The following RGS6 variants were observed in gnomAD, a reference collection of about 807,000 sequenced individuals.
The protein encoded by RGS6 is regulator of G-protein signaling 6.
In RGS6, 30 loss-of-function variants were observed where a neutral mutation model predicts 78.5. The ratio of observed to expected loss-of-function variants is 0.38; its 90% confidence interval spans 0.29 to 0.52. RGS6 has a LOEUF of 0.52. Among genes scored for constraint, RGS6 ranks in the 20% least tolerant of loss-of-function variants. The probability of loss-of-function intolerance (pLI) is 0.85; values close to 1 mark genes in which losing one functional copy is unlikely to be tolerated. For synonymous variants in RGS6, 206 were observed against 206.0 expected (o/e 1.00, Z 0.00); for missense variants, 495 against 609.7 (o/e 0.81, Z 1.98).
chr14:72,299,553 T>C (rs1293466475), intron 2 of RGS6, among the ~76,000 whole-genome samples: 1 of 152,256 alleles, frequency 6.6e-6, no homozygotes, highest in East Asian at 1.9e-4. Flanking sequence ...GAGGAACTGA[T>C]GGACTGTTTT....
At chr14:72,083,255 G>A (rs911942881) in intron 2 of RGS6, among the ~76,000 whole-genome samples, 2 of 152,064 alleles carry the variant, frequency 1.3e-5, no homozygotes, top group African/African-American at 4.8e-5. Context: ...TAGATCAACG[G>A]TTCCCAACCA....
chr14:72,574,385 A>G, the RGS6 span, among the ~76,000 whole-genome samples: 1 of 152,218 alleles, frequency 6.6e-6, no homozygotes, highest in South Asian at 2.1e-4. Context: ...AATAGGAGTG[A>G]CCACCCCAGC....
chr14:72,557,139 G>A (rs1298402165), intron 17 of RGS6, among the ~76,000 whole-genome samples: 1 of 152,214 alleles, frequency 6.6e-6, no homozygotes, highest in African/African-American at 2.4e-5. Flanking sequence ...GAACCATAAC[G>A]GGTTCCATAG....
At chr14:72,543,658 C>T (rs773257085) in intron 17 of RGS6, among the ~76,000 whole-genome samples, 1 of 152,154 alleles carries the variant, frequency 6.6e-6, no homozygotes, top group Non-Finnish European at 1.5e-5. Context: ...TGATGTCTAG[C>T]CTGCCACTCT....
chr14:71,968,194 A>G (rs1339290998), intron 2 of RGS6, among the ~76,000 whole-genome samples: 1 of 152,108 alleles, frequency 6.6e-6, no homozygotes, highest in Non-Finnish European at 1.5e-5. Flanking sequence ...TGATATTTGA[A>G]CCTAGCTATA....
At chr14:72,318,113 G>A (rs1214908631) in intron 2 of RGS6, among the ~76,000 whole-genome samples, 2 of 152,074 alleles carry the variant, frequency 1.3e-5, no homozygotes, top group African/African-American at 2.4e-5. Context: ...ATTCAGCAGC[G>A]TGGCTCCCTC....
At chr14:71,951,325 A>G (rs999110912) in intron 1 of RGS6, among the ~76,000 whole-genome samples, 4 of 152,154 alleles carry the variant, frequency 2.6e-5, no homozygotes, top group Non-Finnish European at 4.4e-5. Flanking sequence ...CAAACACTGC[A>G]TGTTCTCACT....
chr14:72,544,074 G>GTCTA (rs1341223640), intron 17 of RGS6, among the ~76,000 whole-genome samples: 1 of 152,206 alleles, frequency 6.6e-6, no homozygotes, highest in African/African-American at 2.4e-5. Context: ...CTTCCACAGA[G>GTCTA]TCTACCACAG....
chr14:72,629,275 G>A, the RGS6 span, among the ~76,000 whole-genome samples: 1 of 152,170 alleles, frequency 6.6e-6, no homozygotes, highest in Non-Finnish European at 1.5e-5. Context: ...TGTCGAAGCT[G>A]GTGATGGTTT....
chr14:72,474,547 C>T, intron 9 of RGS6, 78 bp from the exon 10 acceptor site: 1 of 1,307,380 alleles, frequency 7.6e-7, no homozygotes, highest in Non-Finnish European at 1.1e-6. Context: ...AAAGATTGGT[C>T]CTGATGGTGT....
intron 2 of RGS6, among the ~76,000 whole-genome samples, chr14:71,999,193 A>G (rs1335045456): frequency 6.6e-6 from 1 of 152,218 alleles, no homozygotes; most frequent in Non-Finnish European, 1.5e-5. Flanking sequence ...TTTTTTACAG[A>G]TGAGGGAATT....
chr14:71,975,486 G>C (rs1272999290), intron 2 of RGS6, among the ~76,000 whole-genome samples: 2 of 150,912 alleles, frequency 1.3e-5, no homozygotes, highest in Non-Finnish European at 3.0e-5. Context: ...TTTGATGGAG[G>C]CTTGCTCTGT....
chr14:72,249,506 G>A (rs1052340967), intron 2 of RGS6, among the ~76,000 whole-genome samples: 6 of 152,176 alleles, frequency 3.9e-5, no homozygotes, highest in Non-Finnish European at 7.4e-5. Flanking sequence ...TGCCAAAGAG[G>A]CCTATTTGGA....
chr14:72,111,221 C>A (rs764474543), intron 2 of RGS6, among the ~76,000 whole-genome samples: 1 of 152,076 alleles, frequency 6.6e-6, no homozygotes. Context: ...AAAAAGAAAT[C>A]GATTCTTTTT....
intron 17 of RGS6, among the ~76,000 whole-genome samples, chr14:72,550,919 AACCTCC>A (rs1358784426): frequency 3.3e-5 from 5 of 152,066 alleles, no homozygotes; most frequent in African/African-American, 1.2e-4. Context: ...AGCTCACTGC[AACCTCC>A]ACCTCCCAGG....
the RGS6 span, among the ~76,000 whole-genome samples, chr14:72,589,298 C>T: frequency 6.6e-6 from 1 of 152,168 alleles, no homozygotes; most frequent in African/African-American, 2.4e-5. Context: ...GCCTGTAATC[C>T]CAACACTTTG....
intron 2 of RGS6, among the ~76,000 whole-genome samples, chr14:72,285,422 C>T (rs998984889): frequency 6.6e-6 from 1 of 152,106 alleles, no homozygotes; most frequent in Non-Finnish European, 1.5e-5. Context: ...TGGGTTTTCT[C>T]TTTCACTTGG....
chr14:72,095,043 A>G (rs2095370004), intron 2 of RGS6, among the ~76,000 whole-genome samples: 1 of 152,176 alleles, frequency 6.6e-6, no homozygotes, highest in South Asian at 2.1e-4. Context: ...GTACGAGGCT[A>G]TTTAAATGAC....
At chr14:72,312,243 T>C (rs1159840430) in intron 2 of RGS6, among the ~76,000 whole-genome samples, 3 of 119,750 alleles carry the variant, frequency 2.5e-5, no homozygotes, top group South Asian at 5.6e-4. Context: ...TTTTTTTTTT[T>C]GGTACTCAGC....
Sources: gnomAD v4.1 joint callset for allele counts (sites outside exome capture counted in the v4.1 genomes callset) on GRCh38, gnomAD v4.1.1 for gene constraint, MANE v1.5 for transcripts, NCBI Gene and HGNC (gene_info 2026-07-23, HGNC 2026-07-21) for gene names.